The following CEP83 variants were observed in gnomAD, a reference collection of about 807,000 sequenced individuals.
The protein encoded by CEP83 is centrosomal protein 83, also known as centrosomal protein of 83 kDa.
A neutral mutation model predicts 101.9 loss-of-function variants in CEP83; 70 were observed. The observed-to-expected ratio is 0.69, with a 90% CI of 0.57 to 0.84. CEP83 has a LOEUF of 0.84. Among genes scored for constraint, CEP83 ranks in the 40% least tolerant of loss-of-function variants. The pLI is 0.00. For missense variants in CEP83, 715 were observed against 787.2 expected, an observed-to-expected ratio of 0.91 and a Z score of 1.10; for synonymous variants, 264 against 267.9, an observed-to-expected ratio of 0.99 and a Z score of 0.14.
chr12:94,391,550 C>A (rs2062535799), intron 6 of CEP83, among the ~76,000 whole-genome samples: 1 of 152,128 alleles, frequency 6.6e-6, no homozygotes. Flanking sequence ...ACCATCGATG[C>A]TATGAAGACA....
the CEP83 span, among the ~76,000 whole-genome samples, chr12:94,273,707 C>A: frequency 3.3e-5 from 5 of 152,132 alleles, no homozygotes; most frequent in Non-Finnish European, 7.3e-5. Flanking sequence ...ATTTGTATCA[C>A]CTACAGTGCC....
chr12:94,447,845 A>G (rs1358842734), intron 1 of CEP83, among the ~76,000 whole-genome samples: 1 of 152,164 alleles, frequency 6.6e-6, no homozygotes, highest in Non-Finnish European at 1.5e-5. Flanking sequence ...ATCAACAGAA[A>G]TAAAAAGATA....
chr12:94,331,165 C>T (rs1258613542), intron 14 of CEP83, among the ~76,000 whole-genome samples: 2 of 151,364 alleles, frequency 1.3e-5, no homozygotes, highest in Admixed American at 1.3e-4. Context: ...GTGGCATGTG[C>T]CTATAATTCC....
chr12:94,333,563 A>C lies in CEP83; in HGVS notation c.1496T>G (p.Leu499Arg). The C allele has an allele frequency of 1.2e-6, 2 of 1,613,874 alleles. No individual in the cohort carries two copies. The highest frequency in any genetic ancestry group is 1.7e-6 in the Non-Finnish European group (2 of 1,179,848). Residue 499 changes from leucine (L) to arginine (R), a missense_variant, in exon 13 of 17, where the codon CTG becomes CGG. Physicochemically the swap from Leu to Arg is moderately radical, Grantham distance 102 (BLOSUM62 -2). Transcript: ENST00000397809. Reference sequence around the variant, plus strand: ...TTTTAATCTCTCCACCATTTCCTTCAGCATTTGGTTTGAATTCAGCAAGTC... The same window carrying C: ...TTTTAATCTCTCCACCATTTCCTTCCGCATTTGGTTTGAATTCAGCAAGTC... Reference protein sequence around the residue: ...ENDLLNSNQMLKEMVERLKQE... With the variant: ...ENDLLNSNQMRKEMVERLKQE...
At chr12:94,301,180 G>C in the CEP83 span, 2 of 633,264 alleles carry the variant, frequency 3.2e-6, no homozygotes, top group South Asian at 8.9e-5. Flanking sequence ...GAGATAGCAA[G>C]GGCCACTGTC....
chr12:94,279,105 A>G, the CEP83 span, among the ~76,000 whole-genome samples: 6 of 152,224 alleles, frequency 3.9e-5, no homozygotes, highest in South Asian at 1.2e-3. Context: ...AAAAAAGATA[A>G]TCACCAGTCT....
chr12:94,324,007 C>G (rs2058861503), intron 14 of CEP83, among the ~76,000 whole-genome samples: 1 of 152,172 alleles, frequency 6.6e-6, no homozygotes, highest in African/African-American at 2.4e-5. Context: ...TGTTAAGCCA[C>G]CTATATTCCC....
At chr12:94,360,314 T>C (rs1383007474) in intron 11 of CEP83, among the ~76,000 whole-genome samples, 1 of 151,878 alleles carries the variant, frequency 6.6e-6, no homozygotes, top group African/African-American at 2.4e-5. Context: ...GGCTTCAAAA[T>C]AAAAAAGGAG....
At chr12:94,341,526 A>C (rs998122866) in intron 11 of CEP83, among the ~76,000 whole-genome samples, 8 of 150,662 alleles carry the variant, frequency 5.3e-5, no homozygotes, top group African/African-American at 1.9e-4. Context: ...TGTCAAGGAA[A>C]AAATACCACA....
At chr12:94,383,335 T>C (rs2061954308) in intron 6 of CEP83, among the ~76,000 whole-genome samples, 1 of 152,076 alleles carries the variant, frequency 6.6e-6, no homozygotes, top group Non-Finnish European at 1.5e-5. Flanking sequence ...AATAAACTCA[T>C]GAAAAGTGAA....
At chr12:94,275,820 A>C in the CEP83 span, among the ~76,000 whole-genome samples, 7 of 131,420 alleles carry the variant, frequency 5.3e-5, 1 homozygote, top group Non-Finnish European at 1.1e-4. Context: ...CCGCCACTGC[A>C]CTCCAGCCTG....
At chr12:94,376,803 G>A (rs1216182587) in intron 7 of CEP83, among the ~76,000 whole-genome samples, 1 of 148,900 alleles carries the variant, frequency 6.7e-6, no homozygotes, top group African/African-American at 2.5e-5. Flanking sequence ...GCAATGGCAC[G>A]ATCTTGGCTC....
chr12:94,322,117 C>T (rs1221779267), intron 14 of CEP83, among the ~76,000 whole-genome samples: 1 of 152,016 alleles, frequency 6.6e-6, no homozygotes, highest in African/African-American at 2.4e-5. Context: ...TTGGGAGATC[C>T]TACCTAGTGA....
rs2136515432 is a variant in CEP83, at chr12:94,333,593, TCTGA to T, written c.1462_1465del (p.Ser488ArgfsTer5). ...TTGGTTTGAATTCAGCAAGTCATTCTCTGACTGTGCAAGTGAAGTCACTTGGATC... is the reference window on the plus strand; with the variant it reads ...TTGGTTTGAATTCAGCAAGTCATTCTCTGTGCAAGTGAAGTCACTTGGATC... On this transcript the variant is annotated frameshift_variant, in exon 13 of 17. Transcript: ENST00000397809. LOFTEE classifies it high-confidence loss of function. The T allele has an allele frequency of 2.5e-6, 4 of 1,613,750 alleles. No homozygotes were observed. The highest frequency in any genetic ancestry group is 2.5e-6 in the Non-Finnish European group (3 of 1,179,726).
intron 14 of CEP83, among the ~76,000 whole-genome samples, chr12:94,326,242 C>A (rs917472542): frequency 2.0e-5 from 3 of 152,158 alleles, no homozygotes; most frequent in Admixed American, 6.5e-5. Flanking sequence ...ACCCCCAACA[C>A]CTTGCCCAAT....
the CEP83 span, among the ~76,000 whole-genome samples, chr12:94,293,322 T>C: frequency 6.6e-6 from 1 of 152,228 alleles, no homozygotes; most frequent in African/African-American, 2.4e-5. Context: ...AGGACCTACA[T>C]GTGAAATGGC....
rs192843962 is a variant in CEP83 at position 94,409,645 on chromosome 12, C to T, written c.324+2052G>A. ...TGCCATAATAAAATACCAGAAACGACGCAGCTTTAAATAACAGAAGTTTGT... is the reference window on the plus strand; with the variant it reads ...TGCCATAATAAAATACCAGAAACGATGCAGCTTTAAATAACAGAAGTTTGT... On this transcript the variant is annotated intron_variant, in intron 4 of 16. Coordinates refer to ENST00000397809, the MANE Select transcript of CEP83 (RefSeq NM_016122.3). Among the ~76,000 whole-genome samples, 61 of 152,250 alleles carry T rather than the reference C, an allele frequency of 4.0e-4. No homozygotes were observed. The East Asian group carries it at 0.01, about 26-fold the overall frequency.
intron 1 of CEP83, among the ~76,000 whole-genome samples, chr12:94,456,404 G>A (rs2067682533): frequency 1.3e-5 from 2 of 152,168 alleles, no homozygotes; most frequent in Admixed American, 1.3e-4. Flanking sequence ...ACTTACAAAA[G>A]TGGGGGAAAG....
chr12:94,412,453 G>C lies in CEP83; in HGVS notation c.38C>G (p.Pro13Arg). 2 of 1,612,696 alleles carry C rather than the reference G, an allele frequency of 1.2e-6. No homozygotes were observed. Among genetic ancestry groups the C allele is most frequent in the Non-Finnish European group, 1.7e-6 (2 of 1,179,512 alleles). Residue 13 changes from proline to arginine, a missense_variant, in exon 3 of 17, where the codon CCC (proline) becomes CGC (arginine). Coordinates refer to ENST00000397809, the MANE Select transcript of CEP83 (RefSeq NM_016122.3). ...VSTFTDMDTF[P>R]NNFPPGGDSG... is the part of the protein sequence containing the mutation. ...GTCTCCACCAGGAGGAAAATTATTG[G>C]GAAAAGTGTCCATATCGGTAAATGT...
Sources: gnomAD v4.1 joint callset for allele counts (sites outside exome capture counted in the v4.1 genomes callset) on GRCh38, gnomAD v4.1.1 for gene constraint, MANE v1.5 for transcripts, NCBI Gene and HGNC (gene_info 2026-07-23, HGNC 2026-07-21) for gene names.